The following TENM2 variants were observed in gnomAD, a reference collection of about 807,000 sequenced individuals.
The protein encoded by TENM2 is teneurin-2.
A neutral mutation model predicts 245.2 loss-of-function variants in TENM2; 52 were observed. The observed-to-expected ratio is 0.21, with a 90% confidence interval of 0.17 to 0.27. TENM2 has a LOEUF of 0.27. Ranked by LOEUF, TENM2 falls within the 10% of genes least tolerant of loss-of-function variation. The pLI is 1.00. For missense variants in TENM2, 3,046 were observed against 3,666.8 expected (o/e 0.83, Z 4.37); for synonymous variants, 1,363 against 1,438.9 (o/e 0.95, Z 1.19).
chr5:167,143,918 G>A, the TENM2 span, among the ~76,000 whole-genome samples: 1 of 151,828 alleles, frequency 6.6e-6, no homozygotes, highest in Non-Finnish European at 1.5e-5. Context: ...TCAAATGCTG[G>A]CAAACTGGCG....
intron 2 of TENM2, among the ~76,000 whole-genome samples, chr5:167,682,124 C>CCCTCCCTGCCTG (rs1756766165): frequency 2.5e-5 from 3 of 119,912 alleles, no homozygotes; most frequent in Admixed American, 9.0e-5. Context: ...CTCCCTCCCT[C>CCCTCCCTGCCTG]CCTGCCTGCC....
chr5:167,659,643 C>T (rs1235246295), intron 2 of TENM2, among the ~76,000 whole-genome samples: 1 of 152,208 alleles, frequency 6.6e-6, no homozygotes, highest in African/African-American at 2.4e-5. Flanking sequence ...GCATCCACAG[C>T]ATCGTCCTTT....
chr5:167,158,992 C>T, the TENM2 span, among the ~76,000 whole-genome samples: 104 of 149,064 alleles, frequency 7.0e-4, 1 homozygote, highest in East Asian at 0.014. Flanking sequence ...CTCACTCTGT[C>T]GCCCAGGCTG....
chr5:167,422,576 T>A (rs776275383), intron 2 of TENM2, among the ~76,000 whole-genome samples: 2 of 152,212 alleles, frequency 1.3e-5, no homozygotes, highest in Non-Finnish European at 2.9e-5. Context: ...ATGATTCTTA[T>A]GTTTATTTTA....
chr5:167,540,480 A>G (rs1305992304), intron 2 of TENM2, among the ~76,000 whole-genome samples: 1 of 152,256 alleles, frequency 6.6e-6, no homozygotes, highest in African/African-American at 2.4e-5. Context: ...TTCAGTGTCC[A>G]TAAAAAAAAT....
At chr5:167,662,104 T>A (rs181742071) in intron 2 of TENM2, among the ~76,000 whole-genome samples, 169 of 152,260 alleles carry the variant, frequency 1.1e-3, no homozygotes, top group Non-Finnish European at 1.8e-3. Flanking sequence ...CAAAGGAAAT[T>A]AAGGTGCAGC....
At chr5:167,771,557 A>G (rs995240724) in intron 2 of TENM2, among the ~76,000 whole-genome samples, 3 of 152,188 alleles carry the variant, frequency 2.0e-5, no homozygotes, top group Non-Finnish European at 4.4e-5. Flanking sequence ...CTTGGTAACA[A>G]TTGAAACAAT....
At chr5:167,725,553 C>T (rs4869067) in intron 2 of TENM2, among the ~76,000 whole-genome samples, 27,230 of 152,030 alleles carry the variant, frequency 0.18, 2,794 homozygotes, top group East Asian at 0.41. Flanking sequence ...ACCTCTAATG[C>T]ATTTACTTAT....
At chr5:168,224,518 C>T (rs532170194) in intron 23 of TENM2, among the ~76,000 whole-genome samples, 15 of 152,202 alleles carry the variant, frequency 9.9e-5, no homozygotes, top group Non-Finnish European at 1.3e-4. Context: ...AAAAACATTT[C>T]CTGAGTGCTC....
At chr5:168,175,787 C>T (rs909230153) in intron 13 of TENM2, among the ~76,000 whole-genome samples, 3 of 152,176 alleles carry the variant, frequency 2.0e-5, no homozygotes, top group Non-Finnish European at 2.9e-5. Context: ...AAACAGCAGT[C>T]CCCGGAGCAA....
At chr5:167,425,624 A>C (rs1763766477) in intron 2 of TENM2, among the ~76,000 whole-genome samples, 1 of 152,234 alleles carries the variant, frequency 6.6e-6, no homozygotes, top group Non-Finnish European at 1.5e-5. Context: ...GAAATAAGAT[A>C]AAATACACAA....
chr5:167,768,494 T>A (rs1763187559), intron 2 of TENM2, among the ~76,000 whole-genome samples: 1 of 152,204 alleles, frequency 6.6e-6, no homozygotes, highest in Non-Finnish European at 1.5e-5. Context: ...TTGGGCTTCC[T>A]ATGGAGCCTC....
intron 13 of TENM2, among the ~76,000 whole-genome samples, chr5:168,173,700 C>T (rs992812967): frequency 2.0e-5 from 3 of 152,142 alleles, no homozygotes; most frequent in Non-Finnish European, 4.4e-5. Context: ...ACTCAAACTC[C>T]GCCCATAAAG....
chr5:167,202,561 T>C, the TENM2 span, among the ~76,000 whole-genome samples: 1 of 152,206 alleles, frequency 6.6e-6, no homozygotes, highest in Non-Finnish European at 1.5e-5. Context: ...TGGTTTCCTT[T>C]GGATAATCAT....
rs529199809 is a variant in TENM2 at position 168,225,347 on chromosome 5, A to G, written c.5109-741A>G. Among the ~76,000 whole-genome samples the G allele has an allele frequency of 2.0e-5, 3 of 152,318 alleles. No homozygotes were observed. In the East Asian group the frequency reaches 5.8e-4, roughly 29 times the overall value. The stretch of plus-strand genomic sequence containing the variant: ...GGGCATGGATGGTCTCAAATGCGAG[A>G]TTTTTATTTGATTTAGCAACCAATG... On this transcript the variant is annotated intron_variant, in intron 23 of 28. Transcript: ENST00000518659.
the TENM2 span, among the ~76,000 whole-genome samples, chr5:167,164,003 C>T: frequency 2.0e-5 from 3 of 152,160 alleles, no homozygotes; most frequent in Admixed American, 2.0e-4. Context: ...ACATCCACTG[C>T]CCTCCACTTT....
intron 2 of TENM2, among the ~76,000 whole-genome samples, chr5:167,470,245 A>G (rs760447267): frequency 1.6e-4 from 25 of 152,236 alleles, no homozygotes; most frequent in Non-Finnish European, 3.1e-4. Flanking sequence ...CATAAATCAC[A>G]TTACTAGATC....
intron 27 of TENM2, among the ~76,000 whole-genome samples, chr5:168,250,230 G>A (rs1370015759): frequency 2.0e-5 from 3 of 152,046 alleles, no homozygotes; most frequent in African/African-American, 7.2e-5. Flanking sequence ...ATGGATGGAT[G>A]GGTGTGTGGA....
At chr5:167,374,226 A>G (rs1321052827) in intron 1 of TENM2, among the ~76,000 whole-genome samples, 9 of 152,202 alleles carry the variant, frequency 5.9e-5, no homozygotes, top group Non-Finnish European at 4.4e-5. Flanking sequence ...TCTATGTTTA[A>G]ATACAAAGAT....
Sources: gnomAD v4.1 joint callset for allele counts (sites outside exome capture counted in the v4.1 genomes callset) on GRCh38, gnomAD v4.1.1 for gene constraint, MANE v1.5 for transcripts, NCBI Gene and HGNC (gene_info 2026-07-23, HGNC 2026-07-21) for gene names.